Variants in RUNX1 observed in about 807,000 individuals in gnomAD.
The protein encoded by RUNX1 is RUNX family transcription factor 1, also known as runt-related transcription factor 1.
Under a neutral mutation model 42.8 loss-of-function variants are expected in RUNX1, and 19 were observed. The ratio of observed to expected loss-of-function variants is 0.44; its 90% CI spans 0.31 to 0.65. The LOEUF is 0.65. RUNX1 is among the 30% of genes least tolerant of loss of function. The probability of loss-of-function intolerance (pLI) is 0.07; values close to 1 mark genes in which losing one functional copy is unlikely to be tolerated. For synonymous variants in RUNX1, 271 were observed against 289.4 expected, an observed-to-expected ratio of 0.94 and a Z score of 0.64; for missense variants, 528 against 672.0, an observed-to-expected ratio of 0.79 and a Z score of 2.37.
chr21:35,006,579 A>T (rs375552095), intron 2 of RUNX1, among the ~76,000 whole-genome samples: 1 of 152,196 alleles, frequency 6.6e-6, no homozygotes, highest in South Asian at 2.1e-4. Context: ...TCTGGATCAG[A>T]AGAGGAGAGC....
intron 6 of RUNX1, among the ~76,000 whole-genome samples, chr21:34,840,365 C>G (rs2057215721): frequency 6.6e-6 from 1 of 152,188 alleles, no homozygotes; most frequent in Admixed American, 6.5e-5. Flanking sequence ...TAAGAATTCT[C>G]CATTCTAAAT....
chr21:35,006,480 C>G (rs957720285), intron 2 of RUNX1, among the ~76,000 whole-genome samples: 1 of 152,126 alleles, frequency 6.6e-6, no homozygotes, highest in African/African-American at 2.4e-5. Flanking sequence ...CCACATGGCT[C>G]AGAGGTTAAG....
Position 34,790,226 on chromosome 21 carries a change from AAT to A in RUNX1, c.*1907_*1908del, listed in dbSNP as rs889033181. ...CTGCATGTGTGTAAAACAAATAATC[AAT>A]ATATATATAAGAAAACTCAAAAACA... On this transcript the variant is annotated 3_prime_UTR_variant, in exon 9 of 9. Coordinates refer to ENST00000675419, the MANE Select transcript of RUNX1 (RefSeq NM_001754.5). 8.6e-5 allele frequency: 20 copies of A among 233,102 alleles called. No homozygotes were observed. Among genetic ancestry groups the A allele is most frequent in the African/African-American group, 2.6e-4 (12 of 45,310 alleles). The allele number at this position is 233,102 out of a possible 1,614,324, so 14.4% of individuals were successfully genotyped here.
chr21:34,910,642 G>A (rs902441745), intron 2 of RUNX1, among the ~76,000 whole-genome samples: 1 of 152,224 alleles, frequency 6.6e-6, no homozygotes, highest in East Asian at 1.9e-4. Flanking sequence ...TCCAGGTGCT[G>A]CCCTGTGAGT....
chr21:34,965,812 G>A (rs1368143264), intron 2 of RUNX1, among the ~76,000 whole-genome samples: 2 of 152,280 alleles, frequency 1.3e-5, no homozygotes, highest in African/African-American at 4.8e-5. Flanking sequence ...CTACCTCCTT[G>A]TGCCTTGCCA....
At chr21:35,032,216 T>C (rs929868896) in intron 2 of RUNX1, among the ~76,000 whole-genome samples, 1 of 152,192 alleles carries the variant, frequency 6.6e-6, no homozygotes, top group Non-Finnish European at 1.5e-5. Context: ...TAGAAAGATA[T>C]GGAGAAAGAG....
chr21:34,815,877 G>A (rs936712802), intron 7 of RUNX1, among the ~76,000 whole-genome samples: 1 of 152,208 alleles, frequency 6.6e-6, no homozygotes, highest in Non-Finnish European at 1.5e-5. Flanking sequence ...TGGCCTCAGA[G>A]AGGGAATGGG....
At chr21:34,839,400 C>T (rs1054500123) in intron 6 of RUNX1, among the ~76,000 whole-genome samples, 3 of 151,484 alleles carry the variant, frequency 2.0e-5, no homozygotes, top group Non-Finnish European at 4.4e-5. Flanking sequence ...AATTCAACAC[C>T]CACCGACACA....
At chr21:35,034,077 G>C (rs1188636831) in intron 2 of RUNX1, among the ~76,000 whole-genome samples, 1 of 152,156 alleles carries the variant, frequency 6.6e-6, no homozygotes, top group African/African-American at 2.4e-5. Flanking sequence ...AAAATGCACA[G>C]CTTATTCGTC....
At chr21:34,943,913 T>C (rs1339673708) in intron 2 of RUNX1, among the ~76,000 whole-genome samples, 1 of 152,174 alleles carries the variant, frequency 6.6e-6, no homozygotes, top group Non-Finnish European at 1.5e-5. Flanking sequence ...TATCACACCC[T>C]TTCTCTTTTC....
chr21:34,889,893 C>T, intron 3 of RUNX1: 3 of 1,042,966 alleles, frequency 2.9e-6, no homozygotes, highest in Non-Finnish European at 3.5e-6. Flanking sequence ...GGCCTCTCAT[C>T]CACCCCGGGG....
At chr21:34,914,721 C>T (rs754323698) in intron 2 of RUNX1, among the ~76,000 whole-genome samples, 1 of 152,204 alleles carries the variant, frequency 6.6e-6, no homozygotes, top group Non-Finnish European at 1.5e-5. Context: ...TCAACTGCGC[C>T]TGAGACAGGT....
intron 2 of RUNX1, among the ~76,000 whole-genome samples, chr21:35,018,423 A>G (rs1406580700): frequency 2.0e-5 from 3 of 152,180 alleles, no homozygotes; most frequent in Non-Finnish European, 4.4e-5. Context: ...CAACCCTGCC[A>G]ACACTTTGAT....
intron 2 of RUNX1, among the ~76,000 whole-genome samples, chr21:34,940,859 T>A (rs1237647415): frequency 6.6e-6 from 1 of 152,212 alleles, no homozygotes; most frequent in Non-Finnish European, 1.5e-5. Flanking sequence ...TTTGGCTTTT[T>A]CAAAAATATA....
chr21:34,997,988 A>G (rs2059009834), intron 2 of RUNX1, among the ~76,000 whole-genome samples: 1 of 152,174 alleles, frequency 6.6e-6, no homozygotes, highest in African/African-American at 2.4e-5. Context: ...GTCACCTGGC[A>G]CATCCAGGGC....
intron 2 of RUNX1, among the ~76,000 whole-genome samples, chr21:34,906,724 C>T (rs747962521): frequency 2.0e-5 from 3 of 152,188 alleles, no homozygotes; most frequent in East Asian, 1.9e-4. Context: ...TCCCAAAGGA[C>T]TCCTTTTGCT....
intron 7 of RUNX1, among the ~76,000 whole-genome samples, chr21:34,820,686 CT>C (rs1448217342): frequency 2.6e-5 from 4 of 151,956 alleles, no homozygotes; most frequent in African/African-American, 9.7e-5. Flanking sequence ...CGAATTCAAC[CT>C]TTTAAAAATG....
intron 2 of RUNX1, among the ~76,000 whole-genome samples, chr21:35,024,482 G>A (rs1477057065): frequency 6.6e-6 from 1 of 152,186 alleles, no homozygotes; most frequent in South Asian, 2.1e-4. Context: ...CTTTATGTGT[G>A]TGCTATTAGT....
intron 2 of RUNX1, among the ~76,000 whole-genome samples, chr21:34,988,283 C>G (rs554934735): frequency 6.6e-6 from 1 of 152,110 alleles, no homozygotes; most frequent in African/African-American, 2.4e-5. Context: ...TGGACACAGC[C>G]GGGGGAAACA....
Sources: allele counts gnomAD v4.1 joint callset (sites outside exome capture counted in the v4.1 genomes callset), GRCh38; gene constraint gnomAD v4.1.1; transcripts MANE v1.5; gene names NCBI Gene and HGNC (gene_info 2026-07-23, HGNC 2026-07-21).